Variants in CYP4F8 observed in about 807,000 individuals in gnomAD.
CYP4F8 encodes cytochrome P450 4F8.
In CYP4F8, 56 loss-of-function variants were observed where a neutral mutation model predicts 55.0. The ratio of observed to expected loss-of-function variants is 1.02; its 90% confidence interval spans 0.82 to 1.27. The LOEUF is 1.27. Among genes scored for constraint, CYP4F8 ranks in the 50% most tolerant of loss-of-function variants. CYP4F8 has a pLI of 0.00. For synonymous variants in CYP4F8, 288 were observed against 267.3 expected (o/e 1.08, Z -0.76); for missense variants, 680 against 682.4 (o/e 1.00, Z 0.04).
At chr19:15,619,435 C>T (rs1972164450) in intron 3 of CYP4F8, 55 bp from the exon 4 acceptor site, 1 of 1,607,118 alleles carries the variant, frequency 6.2e-7, no homozygotes, top group African/African-American at 1.3e-5. Flanking sequence ...CCTCCATACC[C>T]AAAGTCCCTC....
At chr19:15,628,218 G>T in intron 9 of CYP4F8, 84 bp from the exon 10 acceptor site, 3 of 1,586,746 alleles carry the variant, frequency 1.9e-6, no homozygotes, top group Non-Finnish European at 1.7e-6. Flanking sequence ...AGGACTGAGG[G>T]TCAGAGGGAG....
At chr19:15,626,751 A>T (rs895541345) in intron 9 of CYP4F8, among the ~76,000 whole-genome samples, 3 of 152,090 alleles carry the variant, frequency 2.0e-5, no homozygotes, top group Non-Finnish European at 4.4e-5. Context: ...TTTATCCTTT[A>T]TATTTTATCT....
chr19:15,618,655 G>C (rs1293182195), intron 3 of CYP4F8: 4 of 277,950 alleles, frequency 1.4e-5, no homozygotes, highest in South Asian at 1.1e-4. Context: ...TCCGGGCCAG[G>C]CTTGGCATTG....
chr19:15,622,379 TGG>T, intron 6 of CYP4F8, 39 bp downstream of exon 6: 1 of 734,190 alleles, frequency 1.4e-6, no homozygotes, highest in Non-Finnish European at 2.0e-6. Flanking sequence ...TGGGATGGAG[TGG>T]GGGTGTGGGT....
intron 11 of CYP4F8, 31 bp downstream of exon 11, chr19:15,628,626 G>A (rs780555559): frequency 1.3e-5 from 21 of 1,610,584 alleles, no homozygotes; most frequent in African/African-American, 1.1e-4. Flanking sequence ...TCCATCCCCC[G>A]GGCCTGGTCG....
At chr19:15,616,198 A>C in intron 2 of CYP4F8, among the ~76,000 whole-genome samples, 2 of 134,056 alleles carry the variant, frequency 1.5e-5, no homozygotes, top group African/African-American at 2.9e-5. Context: ...CTCCTCACTC[A>C]CTCATTCCTC....
At position 15,629,541 on chromosome 19, in the gene CYP4F8, G is replaced by C. The variant is rs1972309848; in HGVS notation, c.*183G>C. 2.4e-6 allele frequency: 2 copies of C among 838,610 alleles called. No homozygotes were observed. The highest frequency in any genetic ancestry group is 1.7e-5 in the African/African-American group (1 of 57,556). 51.9% of individuals were successfully genotyped at this position (838,610 alleles called of 1,614,324 possible). Reference sequence around the variant, plus strand: ...TGGGAAGAGGCGGGGAGATGTCTCTGTGCCCAAGATACTCACTGCCTCTCT... The same window carrying C: ...TGGGAAGAGGCGGGGAGATGTCTCTCTGCCCAAGATACTCACTGCCTCTCT... On this transcript the variant is annotated 3_prime_UTR_variant, in exon 13 of 13. Coordinates refer to ENST00000612078, the MANE Select transcript of CYP4F8 (RefSeq NM_007253.4).
Position 15,626,000 on chromosome 19 carries a change from C to T in CYP4F8, c.1115+1906C>T, listed in dbSNP as rs180882798. On this transcript the variant is annotated intron_variant, in intron 9 of 12. Transcript: ENST00000612078. ...AAATATAGCACTATGATTTGTGCTA[C>T]GTTTGCAGCACCGTGGTTGCATGCT... Among the ~76,000 whole-genome samples, 41 of 152,256 alleles carry T rather than the reference C, an allele frequency of 2.7e-4. 1 individual carries two copies. Among genetic ancestry groups the T allele is most frequent in the African/African-American group, 8.4e-4 (35 of 41,552 alleles).
chr19:15,621,989 G>T, intron 5 of CYP4F8: 2 of 484,906 alleles, frequency 4.1e-6, no homozygotes, highest in Non-Finnish European at 7.2e-6. Flanking sequence ...TTGACCAAGG[G>T]TACACACAGC....
In CYP4F8 at chr19:15,628,844, G is replaced by C. The variant is rs779484472; in HGVS notation, c.1397+1G>C. The C allele has an allele frequency of 1.3e-6, 2 of 1,595,870 alleles. No individual in the cohort carries two copies. The highest frequency in any genetic ancestry group is 1.7e-6 in the Non-Finnish European group (2 of 1,171,762). Reference sequence around the variant, plus strand: ...TTATTCCTTTCTCGGCGGGGCCCAGGTGAGGCCAGGGGGTGTCTGAGGTGG... The same window carrying C: ...TTATTCCTTTCTCGGCGGGGCCCAGCTGAGGCCAGGGGGTGTCTGAGGTGG... On this transcript the variant is annotated splice_donor_variant, in intron 12 of 12. Coordinates refer to ENST00000612078, the MANE Select transcript of CYP4F8 (RefSeq NM_007253.4). LOFTEE classifies it high-confidence loss of function.
intron 6 of CYP4F8, 50 bp from the exon 7 acceptor site, chr19:15,623,055 G>T (rs781267778): frequency 6.3e-7 from 1 of 1,575,810 alleles, no homozygotes; most frequent in Non-Finnish European, 8.6e-7. Context: ...GTGCTCCCAG[G>T]CTTTCATGTG....
At position 15,618,244 on chromosome 19, in the gene CYP4F8, C is replaced by T. The variant is rs1002343556; in HGVS notation, c.343+100C>T. 7 of 1,556,156 alleles carry T rather than the reference C, an allele frequency of 4.5e-6. No individual in the cohort carries two copies. The East Asian group carries it at 1.1e-4, about 25-fold the overall frequency. On this transcript the variant is annotated intron_variant, in intron 3 of 12. Coordinates refer to ENST00000612078, the MANE Select transcript of CYP4F8 (RefSeq NM_007253.4). ...TGTGCAGCTCTTGTAGTACTCAGCC[C>T]CTTCCTTCCTGCTTCTCTCTCAGCC...
At position 15,628,749 on chromosome 19, in the gene CYP4F8, C is replaced by A. The variant is rs754355353; in HGVS notation, c.1315-12C>A. On this transcript the variant is annotated splice_polypyrimidine_tract_variant and intron_variant, in intron 11 of 12. Transcript: ENST00000612078. ...AGGCCCCATCAGCAGCCTTAACTTG[C>A]CTCCACCCCAGGTCTATGACCCCTT... 1 of 1,613,398 alleles carries A rather than the reference C, an allele frequency of 6.2e-7. No homozygotes were observed. The highest frequency in any genetic ancestry group is 1.3e-5 in the African/African-American group (1 of 74,852).
intron 3 of CYP4F8, 137 bp from the exon 4 acceptor site, chr19:15,619,353 T>A: frequency 3.0e-6 from 3 of 985,808 alleles, no homozygotes; most frequent in Non-Finnish European, 3.0e-6. Flanking sequence ...TCCTTTCTTC[T>A]TCTGCCCATG....
In CYP4F8 at chr19:15,629,537, C is replaced by T. The variant is rs945086077; in HGVS notation, c.*179C>T. On this transcript the variant is annotated 3_prime_UTR_variant, in exon 13 of 13. Transcript: ENST00000612078. ...TGGCTGGGAAGAGGCGGGGAGATGT[C>T]TCTGTGCCCAAGATACTCACTGCCT... 3.1e-5 allele frequency: 27 copies of T among 878,992 alleles called. No homozygotes were observed. The highest frequency in any genetic ancestry group is 4.1e-5 in the Non-Finnish European group (25 of 608,608). 54.4% of individuals were successfully genotyped at this position (878,992 alleles called of 1,614,324 possible). A position where few individuals can be genotyped will look rare whatever the true frequency, so the allele number is the denominator to read the frequency against.
rs1387650697 is a variant in CYP4F8, at chr19:15,622,199, C to G, written c.526-20C>G. 2 of 1,611,094 alleles carry G rather than the reference C, an allele frequency of 1.2e-6. No homozygotes were observed. Among genetic ancestry groups the G allele is most frequent in the Non-Finnish European group, 1.7e-6 (2 of 1,178,594 alleles). On this transcript the variant is annotated intron_variant, in intron 5 of 12. Transcript: ENST00000612078. ...GAGGAGCCAAGGCCTGGCCCCAGCC[C>G]TGCTCCCTTCTCTGGCCAGGCCAAG...
intron 6 of CYP4F8, chr19:15,622,902 G>T (rs1032066307): frequency 3.3e-6 from 2 of 607,250 alleles, no homozygotes; most frequent in Non-Finnish European, 5.8e-6. Context: ...AAGACAGAGA[G>T]AGGAGATGCC....
In CYP4F8 at chr19:15,615,263, A is replaced by T. The variant is rs1972100365; in HGVS notation, c.-19A>T. ...GGAGGAGAGGAGGTTGTGCGGGACAACCTTCTCCTGACAGAAGGTGCCAGG... is the reference window on the plus strand; with the variant it reads ...GGAGGAGAGGAGGTTGTGCGGGACATCCTTCTCCTGACAGAAGGTGCCAGG... On this transcript the variant is annotated 5_prime_UTR_variant, in exon 1 of 13. Transcript: ENST00000612078. The T allele has an allele frequency of 1.1e-5, 2 of 182,574 alleles. No homozygotes were observed. Among genetic ancestry groups the T allele is most frequent in the African/African-American group, 4.7e-5 (2 of 42,130 alleles). 11.3% of individuals were successfully genotyped at this position (182,574 alleles called of 1,614,324 possible). A position where few individuals can be genotyped will look rare whatever the true frequency, so the allele number is the denominator to read the frequency against.
intron 7 of CYP4F8, 122 bp from the exon 8 acceptor site, chr19:15,623,577 T>C (rs1972223393): frequency 2.1e-5 from 21 of 992,294 alleles, no homozygotes; most frequent in Non-Finnish European, 2.9e-5. Flanking sequence ...GAAGGAAGCA[T>C]GTGGGGGTAG....
Sources: gnomAD v4.1 joint callset for allele counts (sites outside exome capture counted in the v4.1 genomes callset) on GRCh38, gnomAD v4.1.1 for gene constraint, MANE v1.5 for transcripts, NCBI Gene and HGNC (gene_info 2026-07-23, HGNC 2026-07-21) for gene names.